The following FAM78B variants were observed in gnomAD, a reference collection of about 807,000 sequenced individuals.
The protein encoded by FAM78B is family with sequence similarity 78 member B, also known as protein FAM78B.
In FAM78B, 10 loss-of-function variants were observed where a neutral mutation model predicts 20.0. That is an observed-to-expected ratio of 0.50 (90% CI 0.31 to 0.85). FAM78B has a LOEUF of 0.85. Among genes scored for constraint, FAM78B ranks in the 40% least tolerant of loss-of-function variants. The probability of loss-of-function intolerance (pLI) is 0.05; values close to 1 mark genes in which losing one functional copy is unlikely to be tolerated. For synonymous variants in FAM78B, 135 were observed against 132.8 expected, an observed-to-expected ratio of 1.02 and a Z score of -0.12; for missense variants, 283 against 345.0, an observed-to-expected ratio of 0.82 and a Z score of 1.42.
intron 1 of FAM78B, among the ~76,000 whole-genome samples, chr1:166,089,367 TC>T (rs1258792452): frequency 3.9e-5 from 6 of 152,318 alleles, no homozygotes; most frequent in Non-Finnish European, 7.3e-5. Flanking sequence ...ATAGTGGTAT[TC>T]CATCAGCGTG....
intron 1 of FAM78B, among the ~76,000 whole-genome samples, chr1:166,071,343 A>C (rs1175090494): frequency 1.3e-5 from 2 of 152,218 alleles, no homozygotes; most frequent in African/African-American, 2.4e-5. Flanking sequence ...ACATGAGAAA[A>C]TCATGGTCAT....
intron 1 of FAM78B, among the ~76,000 whole-genome samples, chr1:166,088,703 C>T (rs1652940801): frequency 6.6e-6 from 1 of 152,140 alleles, no homozygotes; most frequent in South Asian, 2.1e-4. Flanking sequence ...CCTGACTGTT[C>T]CAGCCTGCCT....
intron 1 of FAM78B, among the ~76,000 whole-genome samples, chr1:166,158,462 A>G (rs935206730): frequency 6.6e-6 from 1 of 152,208 alleles, no homozygotes; most frequent in Middle Eastern, 3.2e-3. Context: ...GGACCTCACA[A>G]TAGGATAACT....
At chr1:166,109,777 C>T (rs1260227026) in intron 1 of FAM78B, among the ~76,000 whole-genome samples, 7 of 125,148 alleles carry the variant, frequency 5.6e-5, no homozygotes, top group African/African-American at 8.7e-5. Flanking sequence ...CATCAATCAA[C>T]GAGTGGATAA....
chr1:166,150,176 G>A (rs1655622531), intron 1 of FAM78B, among the ~76,000 whole-genome samples: 2 of 134,440 alleles, frequency 1.5e-5, no homozygotes, highest in South Asian at 5.7e-4. Flanking sequence ...GTATACCCCA[G>A]GTGGTTGTGC....
chr1:166,135,870 A>T (rs1201495248), intron 1 of FAM78B, among the ~76,000 whole-genome samples: 1 of 152,244 alleles, frequency 6.6e-6, no homozygotes, highest in Non-Finnish European at 1.5e-5. Context: ...TTCTGCAAAG[A>T]TGGTGCAAAA....
chr1:166,093,356 T>C (rs1026940843), intron 1 of FAM78B, among the ~76,000 whole-genome samples: 1 of 152,106 alleles, frequency 6.6e-6, no homozygotes, highest in Non-Finnish European at 1.5e-5. Context: ...TAAATCCTCA[T>C]CTCCAAGCAG....
chr1:166,145,602 AAGAC>A (rs1310296887), intron 1 of FAM78B, among the ~76,000 whole-genome samples: 2 of 152,262 alleles, frequency 1.3e-5, no homozygotes, highest in Non-Finnish European at 2.9e-5. Flanking sequence ...TTAGGACTCT[AAGAC>A]AGGCCACAAT....
intron 1 of FAM78B, among the ~76,000 whole-genome samples, chr1:166,119,749 T>C (rs1159059789): frequency 6.6e-6 from 1 of 152,154 alleles, no homozygotes; most frequent in South Asian, 2.1e-4. Context: ...AGTTCTAACA[T>C]AAGTGGTCAA....
rs767209838 is a variant in FAM78B at position 166,070,645 on chromosome 1, T to A, written c.382A>T (p.Thr128Ser). 1.4e-5 allele frequency: 22 copies of A among 1,613,658 alleles called. No individual in the cohort carries two copies. The South Asian group carries it at 2.3e-4, about 17-fold the overall frequency. The change falls in exon 2 of 2, where the codon ACC becomes TCC. Residue 128 changes from threonine to serine, a missense_variant. Coordinates refer to ENST00000354422, the MANE Select transcript of FAM78B (RefSeq NM_001017961.5). ...TTETVTLVGP[T>S]NKISRFSVSM... is the part of the protein sequence containing the mutation. ...ACGGAGAACCTGGAGATCTTGTTGG[T>A]GGGGCCAACCAGGGTCACAGTTTCT...
intron 1 of FAM78B, among the ~76,000 whole-genome samples, chr1:166,076,070 C>T (rs1016459904): frequency 3.3e-5 from 5 of 152,202 alleles, no homozygotes; most frequent in Non-Finnish European, 7.3e-5. Flanking sequence ...ACTGCAGTGG[C>T]CTTCTAACTG....
At chr1:166,141,986 C>T (rs959376362) in intron 1 of FAM78B, among the ~76,000 whole-genome samples, 2 of 152,126 alleles carry the variant, frequency 1.3e-5, no homozygotes, top group African/African-American at 2.4e-5. Context: ...GTGTTCTCTC[C>T]TGGTCTTGGA....
intron 1 of FAM78B, among the ~76,000 whole-genome samples, chr1:166,098,510 G>C (rs1230670674): frequency 6.6e-6 from 1 of 151,936 alleles, no homozygotes; most frequent in Non-Finnish European, 1.5e-5. Flanking sequence ...AAAGTGAAGG[G>C]AGAAATATTC....
At chr1:166,118,561 G>T (rs1177130012) in intron 1 of FAM78B, among the ~76,000 whole-genome samples, 1 of 152,014 alleles carries the variant, frequency 6.6e-6, no homozygotes, top group African/African-American at 2.4e-5. Flanking sequence ...AATAAATGAA[G>T]TTTTATTCAA....
intron 1 of FAM78B, among the ~76,000 whole-genome samples, chr1:166,136,630 G>C (rs1268029845): frequency 6.6e-6 from 1 of 152,142 alleles, no homozygotes; most frequent in Non-Finnish European, 1.5e-5. Context: ...CAAGTAAATG[G>C]AAACAGGATG....
chr1:166,110,423 T>C (rs1187450353), intron 1 of FAM78B, among the ~76,000 whole-genome samples: 1 of 152,174 alleles, frequency 6.6e-6, no homozygotes, highest in African/African-American at 2.4e-5. Context: ...CTTTCACTTC[T>C]GCTGTTTTGG....
intron 1 of FAM78B, among the ~76,000 whole-genome samples, chr1:166,156,545 A>C (rs919210001): frequency 2.0e-5 from 3 of 152,186 alleles, no homozygotes; most frequent in African/African-American, 7.2e-5. Context: ...TAATCTCCTT[A>C]GGCCTCAGCT....
intron 1 of FAM78B, among the ~76,000 whole-genome samples, chr1:166,152,192 T>A (rs1655699036): frequency 6.6e-6 from 1 of 152,170 alleles, no homozygotes; most frequent in Admixed American, 6.5e-5. Flanking sequence ...GCTAAAGCCA[T>A]CTGCTCAGCC....
At chr1:166,144,001 C>G (rs1354031052) in intron 1 of FAM78B, among the ~76,000 whole-genome samples, 1 of 152,086 alleles carries the variant, frequency 6.6e-6, no homozygotes, top group East Asian at 1.9e-4. Context: ...GCTAACACAT[C>G]TGATGACAAT....
Sources: gnomAD v4.1 joint callset for allele counts (sites outside exome capture counted in the v4.1 genomes callset) on GRCh38, gnomAD v4.1.1 for gene constraint, MANE v1.5 for transcripts, NCBI Gene and HGNC (gene_info 2026-07-23, HGNC 2026-07-21) for gene names.